The following CPED1 variants were observed in gnomAD, a reference collection of about 807,000 sequenced individuals.
The protein encoded by CPED1 is cadherin-like and PC-esterase domain-containing protein 1.
A neutral mutation model predicts 128.2 loss-of-function variants in CPED1; 114 were observed. The observed-to-expected ratio is 0.89, with a 90% CI of 0.76 to 1.04. CPED1 has a LOEUF of 1.04. Ranked by LOEUF, CPED1 falls within the 50% of genes least tolerant of loss-of-function variation. The probability of loss-of-function intolerance (pLI) is 0.00; values close to 1 mark genes in which losing one functional copy is unlikely to be tolerated. For synonymous variants in CPED1, 462 were observed against 426.7 expected (o/e 1.08, Z -1.02); for missense variants, 1,211 against 1,207.1 (o/e 1.00, Z -0.05).
Position 121,255,366 on chromosome 7 carries a change from A to G in CPED1, c.2311-10861A>G, listed in dbSNP as rs559426498. Among the ~76,000 whole-genome samples, 88 of 152,200 alleles carry G rather than the reference A, an allele frequency of 5.8e-4. 1 individual carries two copies. Among genetic ancestry groups the G allele is most frequent in the African/African-American group, 1.8e-3 (73 of 41,554 alleles). ...TTCTTATAAATTTCAACATTCCTTCATGATAAAAAACTCTCAACAAACTAG... is the reference window on the plus strand; with the variant it reads ...TTCTTATAAATTTCAACATTCCTTCGTGATAAAAAACTCTCAACAAACTAG... On this transcript the variant is annotated intron_variant, in intron 18 of 22. Transcript: ENST00000310396.
At chr7:121,204,868 T>C (rs1797483662) in intron 16 of CPED1, among the ~76,000 whole-genome samples, 1 of 152,110 alleles carries the variant, frequency 6.6e-6, no homozygotes, top group Non-Finnish European at 1.5e-5. Context: ...TATATAGCTA[T>C]TAATGTTCCT....
At chr7:121,245,941 C>T (rs1798519688) in intron 18 of CPED1, among the ~76,000 whole-genome samples, 1 of 152,104 alleles carries the variant, frequency 6.6e-6, no homozygotes, top group African/African-American at 2.4e-5. Flanking sequence ...GATCCACCCG[C>T]CTCGGCCTCC....
At chr7:121,291,344 A>G (rs1399569819) in intron 22 of CPED1, among the ~76,000 whole-genome samples, 1 of 152,158 alleles carries the variant, frequency 6.6e-6, no homozygotes, top group African/African-American at 2.4e-5. Context: ...AAGAAAGTCA[A>G]TGGTTCCTTG....
At chr7:121,229,973 G>C (rs962353104) in intron 16 of CPED1, among the ~76,000 whole-genome samples, 4 of 151,976 alleles carry the variant, frequency 2.6e-5, no homozygotes, top group African/African-American at 9.7e-5. Flanking sequence ...TAGCCAAAGA[G>C]GAGGACCACA....
At position 121,128,483 on chromosome 7, in the gene CPED1, A is replaced by C; in HGVS notation, c.1404A>C (p.Gln468His). The change falls in exon 11 of 23, where the codon CAA (glutamine) becomes CAC (histidine). Residue 468 changes from glutamine to histidine, a missense_variant. Physicochemically the swap from Gln to His is conservative, Grantham distance 24. Coordinates refer to ENST00000310396, the MANE Select transcript of CPED1 (RefSeq NM_024913.5). ...IKELGSLGQF[Q>H]LLFPSTTPGI... ...AACTTGGAAGTCTGGGACAATTCCA[A>C]CTGGTAAAGCAAAAGTGACATTTGA... 6.6e-7 allele frequency: 1 copy of C among 1,506,402 alleles called. No individual in the cohort carries two copies. Among genetic ancestry groups the C allele is most frequent in the Non-Finnish European group, 9.2e-7 (1 of 1,081,948 alleles). 93.3% of individuals were successfully genotyped at this position (1,506,402 alleles called of 1,614,324 possible). A position where few individuals can be genotyped will look rare whatever the true frequency, so the allele number is the denominator to read the frequency against.
chr7:120,993,663 G>A (rs1172390040), intron 2 of CPED1, among the ~76,000 whole-genome samples: 2 of 152,168 alleles, frequency 1.3e-5, no homozygotes, highest in Middle Eastern at 3.2e-3. Flanking sequence ...GCAAACACTT[G>A]CATGCTAACA....
At chr7:120,995,623 C>A (rs1289106198) in intron 2 of CPED1, among the ~76,000 whole-genome samples, 1 of 152,106 alleles carries the variant, frequency 6.6e-6, no homozygotes, top group African/African-American at 2.4e-5. Context: ...ATTTCACAAA[C>A]CTCATGCCCA....
intron 5 of CPED1, among the ~76,000 whole-genome samples, chr7:121,075,564 G>A (rs1039065066): frequency 3.3e-5 from 5 of 152,026 alleles, no homozygotes; most frequent in Admixed American, 3.3e-4. Flanking sequence ...CCAGGTTCAA[G>A]TAGTTCTCCT....
intron 9 of CPED1, 51 bp downstream of exon 9, chr7:121,125,943 A>AGT (rs756206500): frequency 3.2e-6 from 4 of 1,254,592 alleles, no homozygotes; most frequent in Non-Finnish European, 4.7e-6. Flanking sequence ...GTGAGAGATC[A>AGT]GTGTGTGTGT....
chr7:121,145,072 G>GTA (rs71314608), intron 16 of CPED1, among the ~76,000 whole-genome samples: 3 of 151,116 alleles, frequency 2.0e-5, no homozygotes, highest in Non-Finnish European at 3.0e-5. Context: ...TTAATTAACT[G>GTA]CATTTAAGAT....
chr7:121,253,012 C>T (rs1246534806), intron 18 of CPED1, among the ~76,000 whole-genome samples: 3 of 152,016 alleles, frequency 2.0e-5, no homozygotes, highest in Non-Finnish European at 2.9e-5. Flanking sequence ...CACATGCACA[C>T]GTATGTTTAT....
intron 16 of CPED1, among the ~76,000 whole-genome samples, chr7:121,183,943 C>T (rs1404173753): frequency 6.6e-6 from 1 of 152,000 alleles, no homozygotes; most frequent in East Asian, 1.9e-4. Context: ...AATTCAAGAC[C>T]AGCCTGGCCA....
At chr7:121,033,311 A>G (rs775863482) in intron 3 of CPED1, among the ~76,000 whole-genome samples, 7 of 152,200 alleles carry the variant, frequency 4.6e-5, no homozygotes, top group Non-Finnish European at 1.0e-4. Flanking sequence ...TCATGACACT[A>G]TGTTATGTCA....
At chr7:121,261,740 C>T in intron 18 of CPED1, 3 of 1,580,988 alleles carry the variant, frequency 1.9e-6, no homozygotes, top group Non-Finnish European at 2.6e-6. Flanking sequence ...ATAAACCTGA[C>T]TTGAATCACC....
At chr7:121,179,571 TTTAA>T (rs1198016755) in intron 16 of CPED1, among the ~76,000 whole-genome samples, 7 of 152,126 alleles carry the variant, frequency 4.6e-5, no homozygotes, top group Non-Finnish European at 8.8e-5. Flanking sequence ...CCTTTAAGCC[TTTAA>T]TTATGAAAAT....
Position 121,294,045 on chromosome 7 carries a change from C to T in CPED1, c.2869-1395C>T, listed in dbSNP as rs542732379. ...TTTCTCCTTCCCTTCCTCTCTTTTT[C>T]TACTTCCCAACCTTTCCCCCAATCT... On this transcript the variant is annotated intron_variant, in intron 22 of 22. Transcript: ENST00000310396. Among the ~76,000 whole-genome samples the T allele has an allele frequency of 8.7e-3, 1,331 of 152,142 alleles. 31 individuals are homozygous for T. Among genetic ancestry groups the T allele is most frequent in the African/African-American group, 0.03 (1,255 of 41,520 alleles).
intron 16 of CPED1, among the ~76,000 whole-genome samples, chr7:121,154,807 G>A (rs1796248051): frequency 6.6e-6 from 1 of 152,194 alleles, no homozygotes; most frequent in Non-Finnish European, 1.5e-5. Flanking sequence ...GCCTCCCAAA[G>A]TGCTGGGATT....
intron 9 of CPED1, among the ~76,000 whole-genome samples, chr7:121,126,432 A>G (rs892173320): frequency 6.6e-6 from 1 of 152,086 alleles, no homozygotes; most frequent in African/African-American, 2.4e-5. Context: ...CTCCCCCAAC[A>G]TATTTTGTTT....
rs149405900 is a variant in CPED1 at position 121,003,324 on chromosome 7, C to G, written c.250-12341C>G. Reference sequence around the variant, plus strand: ...TACTGCTAGACCCTTTAAGAATAAACTAGAACTCTAGGAAAGGAAATTCCT... The same window carrying G: ...TACTGCTAGACCCTTTAAGAATAAAGTAGAACTCTAGGAAAGGAAATTCCT... On this transcript the variant is annotated intron_variant, in intron 2 of 22. Transcript: ENST00000310396. 3.7e-4 allele frequency among the ~76,000 whole-genome samples: 57 copies of G among 152,194 alleles called. 1 individual carries two copies. The highest frequency in any genetic ancestry group is 1.3e-3 in the African/African-American group (54 of 41,532).
Sources: gnomAD v4.1 joint callset for allele counts (sites outside exome capture counted in the v4.1 genomes callset) on GRCh38, gnomAD v4.1.1 for gene constraint, MANE v1.5 for transcripts, NCBI Gene and HGNC (gene_info 2026-07-23, HGNC 2026-07-21) for gene names.